MFSD8: variants seen among roughly 807,000 people sequenced by gnomAD.
The protein encoded by MFSD8 is major facilitator superfamily domain-containing protein 8.
A neutral mutation model predicts 66.4 loss-of-function variants in MFSD8; 55 were observed. The observed-to-expected ratio is 0.83, with a 90% CI of 0.67 to 1.04. The LOEUF (loss-of-function observed/expected upper bound fraction) is 1.04, where lower values mean the gene tolerates loss of function less well. MFSD8 is among the 50% of genes least tolerant of loss of function. The pLI is 0.00. For synonymous variants in MFSD8, 202 were observed against 212.8 expected (o/e 0.95, Z 0.44); for missense variants, 550 against 627.6 (o/e 0.88, Z 1.32).
intron 1 of MFSD8, among the ~76,000 whole-genome samples, chr4:127,959,642 T>A (rs1476733557): frequency 6.6e-6 from 1 of 152,178 alleles, no homozygotes; most frequent in East Asian, 1.9e-4. Flanking sequence ...TGTGGGTGTG[T>A]ATGTACCTGC....
chr4:127,944,823 C>T (rs1476662155), intron 3 of MFSD8, among the ~76,000 whole-genome samples: 3 of 151,884 alleles, frequency 2.0e-5, no homozygotes, highest in Non-Finnish European at 4.4e-5. Context: ...ACCATGCCCA[C>T]CTAATTTTTT....
At chr4:127,957,123 C>A (rs1424433075) in intron 2 of MFSD8, among the ~76,000 whole-genome samples, 1 of 151,906 alleles carries the variant, frequency 6.6e-6, no homozygotes, top group Admixed American at 6.6e-5. Flanking sequence ...CAACATGAAC[C>A]AACTTGAGGA....
At chr4:127,947,126 C>T (rs1317302275) in intron 3 of MFSD8, among the ~76,000 whole-genome samples, 7 of 151,314 alleles carry the variant, frequency 4.6e-5, no homozygotes, top group African/African-American at 1.7e-4. Context: ...GGTGCAGTGG[C>T]TCACATCTGT....
chr4:127,938,097 ACCATAC>A (rs1560743296), intron 7 of MFSD8, among the ~76,000 whole-genome samples: 1 of 152,164 alleles, frequency 6.6e-6, no homozygotes, highest in Non-Finnish European at 1.5e-5. Flanking sequence ...AAAAGGCAAA[ACCATAC>A]CCATTTTCAT....
intron 5 of MFSD8, among the ~76,000 whole-genome samples, chr4:127,940,596 T>C (rs1367153398): frequency 6.8e-6 from 1 of 146,836 alleles, no homozygotes; most frequent in Non-Finnish European, 1.5e-5. Flanking sequence ...ACAAGTAAAA[T>C]GAAAAAAAAA....
intron 7 of MFSD8, 153 bp from the exon 8 acceptor site, chr4:127,933,246 GTTTATT>G (rs1166671675): frequency 2.6e-5 from 16 of 617,914 alleles, no homozygotes; most frequent in Non-Finnish European, 4.6e-5. Flanking sequence ...AAGAGAATTT[GTTTATT>G]TTTATTTTTT....
chr4:127,924,506 T>C (rs764375825), intron 9 of MFSD8, among the ~76,000 whole-genome samples: 10 of 151,968 alleles, frequency 6.6e-5, no homozygotes, highest in Non-Finnish European at 1.0e-4. Context: ...GCAAAGAGAA[T>C]AAAATATCTA....
At chr4:127,960,508 C>A (rs143232157) in intron 1 of MFSD8, among the ~76,000 whole-genome samples, 3,981 of 151,804 alleles carry the variant, frequency 0.026, 156 homozygotes, top group African/African-American at 0.091. Flanking sequence ...CCAGCCTGGG[C>A]AACAGACAGT....
At chr4:127,927,768 C>T (rs529220400) in intron 9 of MFSD8, among the ~76,000 whole-genome samples, 16 of 152,202 alleles carry the variant, frequency 1.1e-4, no homozygotes, top group African/African-American at 3.4e-4. Flanking sequence ...CTCACTGCAG[C>T]CTCAAACTCC....
At chr4:127,949,956 C>A in intron 2 of MFSD8, 109 bp from the exon 3 acceptor site, 1 of 932,792 alleles carries the variant, frequency 1.1e-6, no homozygotes, top group Non-Finnish European at 1.6e-6. Context: ...AACCTAAAAT[C>A]TATGCATACA....
rs1398365765 is a variant in MFSD8, at chr4:127,917,811, T to C, written c.*2819A>G. The C allele has an allele frequency of 2.0e-5, 3 of 152,220 alleles. No individual in the cohort carries two copies. The highest frequency in any genetic ancestry group is 2.9e-5 in the Non-Finnish European group (2 of 68,028). The allele number at this position is 152,220 out of a possible 1,614,324, so 9.4% of individuals were successfully genotyped here. A position where few individuals can be genotyped will look rare whatever the true frequency, so the allele number is the denominator to read the frequency against. The stretch of plus-strand genomic sequence containing the variant: ...AAAGTTTTAAAGCTTAAGGTACATA[T>C]GCAAAATAATCTTGTTTATTAGAAA... On this transcript the variant is annotated 3_prime_UTR_variant, in exon 12 of 12. Transcript: ENST00000641686.
At chr4:127,935,085 A>C (rs990800184) in intron 7 of MFSD8, among the ~76,000 whole-genome samples, 25 of 152,104 alleles carry the variant, frequency 1.6e-4, no homozygotes, top group African/African-American at 6.0e-4. Context: ...GCTATACTTA[A>C]AGGGAATTAA....
At chr4:127,965,431 G>A (rs573255957), upstream of MFSD8, 38 of 548,286 alleles carry the variant, frequency 6.9e-5, no homozygotes, top group African/African-American at 5.1e-4. Flanking sequence ...CCTGCTCCGG[G>A]TTTGTCTTCC....
At chr4:127,945,604 G>A (rs1437166590) in intron 3 of MFSD8, 1 of 152,040 alleles carries the variant, frequency 6.6e-6, no homozygotes, top group African/African-American at 2.4e-5. Context: ...GGGATTGTTG[G>A]TGTGAGCCAC....
intron 2 of MFSD8, among the ~76,000 whole-genome samples, chr4:127,952,731 G>T (rs1330194310): frequency 6.6e-6 from 1 of 151,558 alleles, no homozygotes; most frequent in South Asian, 2.1e-4. Context: ...TTAGCTGGGC[G>T]TGGTGGCAGG....
chr4:127,952,869 C>CAAAAAAA (rs758640018), intron 2 of MFSD8, among the ~76,000 whole-genome samples: 2 of 65,292 alleles, frequency 3.1e-5, no homozygotes. Context: ...GACTCCACCT[C>CAAAAAAA]AAAAAAAAAA....
At chr4:127,930,609 C>A (rs1737959233) in intron 9 of MFSD8, 74 bp downstream of exon 9, 3 of 1,503,928 alleles carry the variant, frequency 2.0e-6, no homozygotes, top group Non-Finnish European at 2.8e-6. Flanking sequence ...CCTGGTATAT[C>A]CATTTGCATT....
intron 4 of MFSD8, among the ~76,000 whole-genome samples, chr4:127,942,655 G>A (rs1334650275): frequency 6.6e-6 from 1 of 150,494 alleles, no homozygotes; most frequent in Non-Finnish European, 1.5e-5. Context: ...ACTCTAGCCT[G>A]GGCAACAGTG....
chr4:127,958,682 G>T (rs1478347769), intron 1 of MFSD8, among the ~76,000 whole-genome samples: 1 of 151,912 alleles, frequency 6.6e-6, no homozygotes, highest in Non-Finnish European at 1.5e-5. Flanking sequence ...CAGAACCCTA[G>T]ATGCCCATAC....
Sources: gnomAD v4.1 joint callset for allele counts (sites outside exome capture counted in the v4.1 genomes callset) on GRCh38, gnomAD v4.1.1 for gene constraint, MANE v1.5 for transcripts, NCBI Gene and HGNC (gene_info 2026-07-23, HGNC 2026-07-21) for gene names.